Variants in TSGA10 observed in about 807,000 individuals in gnomAD.
TSGA10 encodes testis specific 10.
TSGA10 carries 43 observed loss-of-function variants against 96.6 expected under a neutral mutation model. The observed-to-expected ratio is 0.44, with a 90% CI of 0.35 to 0.57. The LOEUF (loss-of-function observed/expected upper bound fraction) is 0.57. Among genes scored for constraint, TSGA10 ranks in the 20% least tolerant of loss-of-function variants. The probability of loss-of-function intolerance (pLI) is 0.01; values close to 1 mark genes in which losing one functional copy is unlikely to be tolerated. For synonymous variants in TSGA10, 229 were observed against 269.9 expected (o/e 0.85, Z 1.48); for missense variants, 703 against 834.4 (o/e 0.84, Z 1.94).
chr2:99,086,750 A>T (rs1305164376), intron 10 of TSGA10, among the ~76,000 whole-genome samples: 1 of 152,198 alleles, frequency 6.6e-6, no homozygotes, highest in Non-Finnish European at 1.5e-5. Flanking sequence ...ATAAGGAAAG[A>T]AAAAGAAACA....
intron 15 of TSGA10, among the ~76,000 whole-genome samples, chr2:99,066,230 A>G (rs1346610339): frequency 6.6e-6 from 1 of 152,214 alleles, no homozygotes; most frequent in Non-Finnish European, 1.5e-5. Flanking sequence ...ATCTTTGCCA[A>G]GTCTGTGTTA....
chr2:99,109,654 T>A, intron 5 of TSGA10, 142 bp from the exon 6 acceptor site: 1 of 530,402 alleles, frequency 1.9e-6, no homozygotes, highest in Non-Finnish European at 2.7e-6. Context: ...TAAAAACATT[T>A]AATTTGGTAT....
intron 2 of TSGA10, among the ~76,000 whole-genome samples, chr2:99,120,918 G>C (rs549530735): frequency 3.0e-4 from 45 of 152,238 alleles, no homozygotes; most frequent in African/African-American, 1.0e-3. Context: ...CAAAATCATA[G>C]AGCATGTGAT....
chr2:99,044,200 G>C (rs2082503668), intron 16 of TSGA10, among the ~76,000 whole-genome samples: 1 of 151,902 alleles, frequency 6.6e-6, no homozygotes, highest in South Asian at 2.1e-4. Flanking sequence ...AATGTAACTG[G>C]GCTAAATGCC....
chr2:99,118,479 A>G (rs943703723), intron 3 of TSGA10, 72 bp downstream of exon 3: 4 of 519,932 alleles, frequency 7.7e-6, no homozygotes, highest in African/African-American at 2.1e-5. Flanking sequence ...GTATATATAC[A>G]TATATATATA....
At chr2:99,132,725 G>A (rs1416120903) in intron 1 of TSGA10, among the ~76,000 whole-genome samples, 1 of 152,114 alleles carries the variant, frequency 6.6e-6, no homozygotes, top group African/African-American at 2.4e-5. Flanking sequence ...GATCTTTCCT[G>A]CTGTCTCCTG....
chr2:99,000,343 C>T (rs1012612030), intron 20 of TSGA10, among the ~76,000 whole-genome samples: 2 of 113,992 alleles, frequency 1.8e-5, no homozygotes, highest in Non-Finnish European at 3.3e-5. Flanking sequence ...CCCGTCTCTA[C>T]TGAAAAAAAA....
At chr2:99,088,424 T>A (rs976448071) in intron 10 of TSGA10, among the ~76,000 whole-genome samples, 1 of 152,224 alleles carries the variant, frequency 6.6e-6, no homozygotes, top group African/African-American at 2.4e-5. Flanking sequence ...CATATAGGGT[T>A]CAGTATTAAT....
In TSGA10 at chr2:99,018,220, G is replaced by T. The variant is rs939376850; in HGVS notation, c.2052C>A (p.Gly684=). ...ERAHHRSPDR[G]LDRSLEENLC... ...CTCACTCTTCTAATGATCGATCTAG[G>T]CCTCGGTCAGGAGATCGATGGTGAG... Residue 684 remains glycine (G), a synonymous_variant, in exon 20 of 21, where the codon GGC becomes GGA. Coordinates refer to ENST00000393483, the MANE Select transcript of TSGA10 (RefSeq NM_025244.4). 1 of 1,613,670 alleles carries T rather than the reference G, an allele frequency of 6.2e-7. No individual in the cohort carries two copies. The highest frequency in any genetic ancestry group is 1.3e-5 in the African/African-American group (1 of 74,878).
intron 20 of TSGA10, among the ~76,000 whole-genome samples, chr2:99,006,306 A>C (rs2078465998): frequency 6.6e-6 from 1 of 152,170 alleles, no homozygotes; most frequent in South Asian, 2.1e-4. Context: ...ATCTAATTAA[A>C]CTAAAGAGCT....
chr2:99,001,583 A>G (rs2077909661), intron 20 of TSGA10, among the ~76,000 whole-genome samples: 1 of 152,190 alleles, frequency 6.6e-6, no homozygotes, highest in South Asian at 2.1e-4. Flanking sequence ...TTCTCCTCCA[A>G]AGGAACACAG....
At chr2:99,082,341 T>C (rs1158373894) in intron 10 of TSGA10, among the ~76,000 whole-genome samples, 4 of 152,190 alleles carry the variant, frequency 2.6e-5, no homozygotes, top group Non-Finnish European at 4.4e-5. Flanking sequence ...TTCTTGCATG[T>C]TTTTACTTCT....
intron 6 of TSGA10, 95 bp from the exon 7 acceptor site, chr2:99,109,086 T>TA (rs2104841954): frequency 1.1e-6 from 1 of 933,250 alleles, no homozygotes; most frequent in Non-Finnish European, 1.5e-6. Flanking sequence ...TTTAAGAAAA[T>TA]AAGACTATAT....
At chr2:99,012,411 T>A (rs755335684) in intron 20 of TSGA10, among the ~76,000 whole-genome samples, 2 of 152,132 alleles carry the variant, frequency 1.3e-5, no homozygotes, top group African/African-American at 4.8e-5. Flanking sequence ...AAAAATTCAC[T>A]GACTAAGTAT....
chr2:99,073,138 G>A, intron 12 of TSGA10, 65 bp from the exon 13 acceptor site: 3 of 1,102,480 alleles, frequency 2.7e-6, no homozygotes, highest in Admixed American at 2.2e-5. Flanking sequence ...AAAATTGAAT[G>A]AACAAAAAGA....
At chr2:99,033,998 T>C (rs1455267907) in intron 17 of TSGA10, among the ~76,000 whole-genome samples, 1 of 152,096 alleles carries the variant, frequency 6.6e-6, no homozygotes, top group Non-Finnish European at 1.5e-5. Flanking sequence ...TCAAAAGAGT[T>C]TGAGCATTAC....
intron 2 of TSGA10, among the ~76,000 whole-genome samples, chr2:99,119,810 T>G (rs888291857): frequency 6.6e-6 from 1 of 152,218 alleles, no homozygotes; most frequent in Admixed American, 6.5e-5. Flanking sequence ...ACTGTTTACT[T>G]ATTTTACCCT....
Position 99,071,716 on chromosome 2 carries a change from T to C in TSGA10, c.1097A>G (p.Gln366Arg). ...NLQEQFAKAK[Q>R]ENQALSKKLN... ...TAGGAACAAGTGTACCTGGTTTTCTTGTTTAGCTTTAGCAAACTGTTCCTG... is the reference window on the plus strand; with the variant it reads ...TAGGAACAAGTGTACCTGGTTTTCTCGTTTAGCTTTAGCAAACTGTTCCTG... Residue 366 changes from glutamine (Q) to arginine (R), a missense_variant, in exon 14 of 21, where the codon CAA becomes CGA. Physicochemically the swap from Gln to Arg is conservative, Grantham distance 43. This residue lies in a region of TSGA10 where 585 missense variants were observed against 656.8 expected (regional missense o/e 0.89). Transcript: ENST00000393483. 6.2e-7 allele frequency: 1 copy of C among 1,611,990 alleles called. No homozygotes were observed. The highest frequency in any genetic ancestry group is 8.5e-7 in the Non-Finnish European group (1 of 1,179,248).
chr2:99,119,671 A>G (rs774601979), intron 2 of TSGA10, among the ~76,000 whole-genome samples: 4 of 152,172 alleles, frequency 2.6e-5, no homozygotes, highest in Non-Finnish European at 4.4e-5. Context: ...ACAATCATTA[A>G]TTATTTAACT....
Sources: allele counts gnomAD v4.1 joint callset (sites outside exome capture counted in the v4.1 genomes callset), GRCh38; gene constraint gnomAD v4.1.1; regional missense constraint gnomAD v4.1.1; transcripts MANE v1.5; gene names NCBI Gene and HGNC (gene_info 2026-07-23, HGNC 2026-07-21).